The following SLCO4A1 variants were observed in gnomAD, a reference collection of about 807,000 sequenced individuals.
SLCO4A1 encodes the protein colon organic anion transporter.
In SLCO4A1, 51 loss-of-function variants were observed where a neutral mutation model predicts 64.6. The ratio of observed to expected loss-of-function variants is 0.79; its 90% CI spans 0.63 to 1.00. The LOEUF (loss-of-function observed/expected upper bound fraction) is 1.00, where lower values mean the gene tolerates loss of function less well. Among genes scored for constraint, SLCO4A1 ranks in the 50% least tolerant of loss-of-function variants. The pLI is 0.00. For synonymous variants in SLCO4A1, 471 were observed against 444.9 expected, an observed-to-expected ratio of 1.06 and a Z score of -0.74; for missense variants, 919 against 980.5, an observed-to-expected ratio of 0.94 and a Z score of 0.84.
At chr20:62,683,719 G>A (rs891500705) in intron 2 of SLCO4A1, among the ~76,000 whole-genome samples, 1 of 152,076 alleles carries the variant, frequency 6.6e-6, no homozygotes, top group African/African-American at 2.4e-5. Context: ...ATGTGGCCTC[G>A]GAGTGTCGTG....
rs1569158023 is a variant in SLCO4A1, at chr20:62,684,624, G to A, written n.212-817G>A. 3.3e-5 allele frequency among the ~76,000 whole-genome samples: 5 copies of A among 152,262 alleles called. No individual in the cohort carries two copies. The South Asian group carries it at 1.0e-3, about 32-fold the overall frequency. On this transcript the variant is annotated intron_variant and non_coding_transcript_variant, in intron 2 of 2. Coordinates refer to the SLCO4A1 transcript ENST00000466818. ...GAGGGTCTTTCCCTGGCATCCCAGG[G>A]ACTGGGCTGTCATTTAAGTTTAGGC...
Position 62,656,833 on chromosome 20 carries a change from G to A in SLCO4A1, c.379G>A (p.Val127Ile). ...GMTVNGFINT[V>I]ITSLERRYDL... is the part of the protein sequence containing the mutation. ...GACTGTGAATGGCTTCATCAACACA[G>A]TCATCACCTCCCTGGAGCGCCGCTA... The change falls in exon 2 of 12, where the codon GTC (valine) becomes ATC (isoleucine). Residue 127 changes from valine (V) to isoleucine (I), a missense_variant. Coordinates refer to ENST00000217159, the MANE Select transcript of SLCO4A1 (RefSeq NM_016354.4). The A allele has an allele frequency of 6.2e-7, 1 of 1,612,132 alleles. No individual in the cohort carries two copies. Among genetic ancestry groups the A allele is most frequent in the Non-Finnish European group, 8.5e-7 (1 of 1,179,368 alleles).
intron 5 of SLCO4A1, among the ~76,000 whole-genome samples, chr20:62,664,724 C>T (rs1244813602): frequency 1.3e-5 from 2 of 152,230 alleles, no homozygotes; most frequent in African/African-American, 4.8e-5. Flanking sequence ...CCTGTCGGAA[C>T]AGGGGCCCTT....
downstream of SLCO4A1, among the ~76,000 whole-genome samples, chr20:62,673,281 G>A (rs1987412861): frequency 1.4e-5 from 2 of 142,270 alleles, no homozygotes; most frequent in African/African-American, 2.5e-5. Context: ...GGAGTACAGG[G>A]GCTCTGGGGA....
rs1429673806 is a variant in SLCO4A1 at position 62,685,204 on chromosome 20, A to G, written n.212-237A>G. ...CACGGGCAGGCCTTGGGTGCAGTGA[A>G]GCAGGCGGGCAGGGGAGGGTGGCAG... On this transcript the variant is annotated intron_variant and non_coding_transcript_variant, in intron 2 of 2. Transcript: ENST00000466818. The surrounding 1 kb of genome is among the most constrained non-coding windows in gnomAD (Gnocchi z 4.6). Among the ~76,000 whole-genome samples, 2 of 137,864 alleles carry G rather than the reference A, an allele frequency of 1.5e-5. No individual in the cohort carries two copies. The highest frequency in any genetic ancestry group is 3.1e-5 in the Non-Finnish European group (2 of 64,076). The allele number at this position is 137,864 out of a possible 152,430, so 90.4% of individuals were successfully genotyped here.
Position 62,656,751 on chromosome 20 carries a change from C to T in SLCO4A1, c.297C>T (p.Leu99=), listed in dbSNP as rs370585684. Residue 99 remains leucine, a synonymous_variant, in exon 2 of 12, where the codon CTC becomes CTT. Coordinates refer to ENST00000217159, the MANE Select transcript of SLCO4A1 (RefSeq NM_016354.4). ...TCGCACCGCCGTGCCTGCAGGTCCT[C>T]AACACGCCCAAGGGCATCCTGTTCT... ...WAFAPPCLQV[L]NTPKGILFFL... is the part of the protein sequence containing the mutation. 365 of 1,612,384 alleles carry T rather than the reference C, an allele frequency of 2.3e-4. No homozygotes were observed. The highest frequency in any genetic ancestry group is 3.0e-4 in the Non-Finnish European group (352 of 1,179,750).
At chr20:62,659,089 CTT>C in intron 3 of SLCO4A1, among the ~76,000 whole-genome samples, 1 of 152,150 alleles carries the variant, frequency 6.6e-6, no homozygotes, top group East Asian at 1.9e-4. Context: ...TTCTTTGTAT[CTT>C]GTGTGTGTGA....
downstream of SLCO4A1, among the ~76,000 whole-genome samples, chr20:62,689,967 G>A (rs898156150): frequency 3.9e-5 from 6 of 152,236 alleles, no homozygotes; most frequent in African/African-American, 7.2e-5. Context: ...CTGAGTCGAC[G>A]CCTGCAGCCA....
At chr20:62,672,313 TTATTTC>T (rs1043407919), downstream of SLCO4A1, 4 of 1,069,952 alleles carry the variant, frequency 3.7e-6, no homozygotes, top group African/African-American at 6.7e-5. Context: ...ACCGCGTGCT[TTATTTC>T]TATGAGTTTG....
rs148272280 is a variant in SLCO4A1, at chr20:62,671,922, G to A, written c.*29G>A. On this transcript the variant is annotated 3_prime_UTR_variant, in exon 12 of 12. Coordinates refer to ENST00000217159, the MANE Select transcript of SLCO4A1 (RefSeq NM_016354.4). ...CCGCCCGCGCCCACCCGGCCACGGC[G>A]GGCACTCAGCATTTCCTGATGACAG... 32,932 of 1,606,082 alleles carry A rather than the reference G, an allele frequency of 0.021. 421 individuals are homozygous for A. Among genetic ancestry groups the A allele is most frequent in the Non-Finnish European group, 0.024 (28,413 of 1,179,956 alleles).
intron 2 of SLCO4A1, among the ~76,000 whole-genome samples, chr20:62,682,975 C>T (rs370055198): frequency 6.6e-6 from 1 of 152,222 alleles, no homozygotes; most frequent in Non-Finnish European, 1.5e-5. Context: ...GCTGGAGGCT[C>T]GAGGCCGCGG....
At position 62,685,579 on chromosome 20, in the gene SLCO4A1, C is replaced by T. The variant is rs933933556; in HGVS notation, n.350C>T. The T allele has an allele frequency of 1.0e-5, 4 of 389,866 alleles. No individual in the cohort carries two copies. The highest frequency in any genetic ancestry group is 1.4e-5 in the Non-Finnish European group (4 of 285,674). The allele number at this position is 389,866 out of a possible 1,614,324, so 24.2% of individuals were successfully genotyped here. On this transcript the variant is annotated non_coding_transcript_exon_variant, in exon 3 of 3. Transcript: ENST00000466818. The surrounding 1 kb of genome is among the most constrained non-coding windows in gnomAD (Gnocchi z 4.6). The stretch of plus-strand genomic sequence containing the variant: ...CAACGTCTTCCAGAGCAGGCTTTCT[C>T]TAGAGGGTGGACTGCCTGTGTTCTC...
At chr20:62,666,630 C>T in intron 7 of SLCO4A1, 55 bp downstream of exon 7, 3 of 1,476,164 alleles carry the variant, frequency 2.0e-6, no homozygotes, top group Non-Finnish European at 2.8e-6. Flanking sequence ...CCCGCGGTCC[C>T]TGGGCATGGA....
downstream of SLCO4A1, among the ~76,000 whole-genome samples, chr20:62,688,679 C>T (rs1457609446): frequency 1.3e-5 from 2 of 152,132 alleles, no homozygotes; most frequent in African/African-American, 4.8e-5. Flanking sequence ...GGATGCATGC[C>T]CCCTGCCACC....
In SLCO4A1 at chr20:62,672,081, C is replaced by T; in HGVS notation, c.*188C>T. 1 of 1,468,170 alleles carries T rather than the reference C, an allele frequency of 6.8e-7. No homozygotes were observed. Among genetic ancestry groups the T allele is most frequent in the African/African-American group, 1.4e-5 (1 of 70,872 alleles). 90.9% of individuals were successfully genotyped at this position (1,468,170 alleles called of 1,614,324 possible). The stretch of plus-strand genomic sequence containing the variant: ...ACGGCCCTGCAGTGGGTGGGAGGAA[C>T]TTGCATAAATATATATTTATGGACA... On this transcript the variant is annotated 3_prime_UTR_variant, in exon 12 of 12. Transcript: ENST00000217159.
rs1024288937 is a variant in SLCO4A1 at position 62,661,251 on chromosome 20, A to C, written c.1121+76A>C. ...TCCCCATCTTGGGGGAGTCGTTGAG[A>C]CCCCTCCGGGATCATGATGGGGACG... On this transcript the variant is annotated intron_variant, in intron 5 of 11. Coordinates refer to ENST00000217159, the MANE Select transcript of SLCO4A1 (RefSeq NM_016354.4). This position sits in a 1 kb window ranked among gnomAD's most constrained non-coding sequence, Gnocchi z 5.2. 12 of 1,038,246 alleles carry C rather than the reference A, an allele frequency of 1.2e-5. No individual in the cohort carries two copies. The highest frequency in any genetic ancestry group is 1.8e-5 in the Non-Finnish European group (12 of 664,586). The allele number at this position is 1,038,246 out of a possible 1,614,324, so 64.3% of individuals were successfully genotyped here.
At position 62,645,106 on chromosome 20, in the gene SLCO4A1, G is replaced by T. The variant is rs1163995036; in HGVS notation, c.-97+2553G>T. On this transcript the variant is annotated intron_variant, in intron 1 of 11. Transcript: ENST00000217159. This position sits in a 1 kb window ranked among gnomAD's most constrained non-coding sequence, Gnocchi z 4.2. Reference sequence around the variant, plus strand: ...CCTTCGTTCTGGGACATGGACCACTGTCTGGCCCCCCAGTGAGCTTGCTGA... The same window carrying T: ...CCTTCGTTCTGGGACATGGACCACTTTCTGGCCCCCCAGTGAGCTTGCTGA... Among the ~76,000 whole-genome samples, 1 of 152,242 alleles carries T rather than the reference G, an allele frequency of 6.6e-6. No individual in the cohort carries two copies. The highest frequency in any genetic ancestry group is 1.5e-5 in the Non-Finnish European group (1 of 68,042).
chr20:62,662,970 G>T (rs1479301454), intron 5 of SLCO4A1: 2 of 152,238 alleles, frequency 1.3e-5, no homozygotes, highest in African/African-American at 4.8e-5. Flanking sequence ...TTTTCAAGAC[G>T]TGGGACCCAA....
intron 6 of SLCO4A1, 156 bp downstream of exon 6, chr20:62,665,244 G>A (rs1985892195): frequency 1.2e-5 from 9 of 748,228 alleles, no homozygotes; most frequent in Middle Eastern, 3.2e-4. Flanking sequence ...CGCCACGGGG[G>A]CTGAGCGACT....
Sources: allele counts gnomAD v4.1 joint callset (sites outside exome capture counted in the v4.1 genomes callset), GRCh38; gene constraint gnomAD v4.1.1; non-coding constraint Gnocchi (gnomAD v3.1); transcripts MANE v1.5; gene names NCBI Gene and HGNC (gene_info 2026-07-23, HGNC 2026-07-21).